The following TRMT11 variants were observed in gnomAD, a reference collection of about 807,000 sequenced individuals.
TRMT11 encodes the protein tRNA (guanine(10)-N(2))-methyltransferase TRMT11.
A neutral mutation model predicts 62.8 loss-of-function variants in TRMT11; 53 were observed. The observed-to-expected ratio is 0.84, with a 90% confidence interval of 0.68 to 1.06. TRMT11 has a LOEUF of 1.06. Ranked by LOEUF, TRMT11 falls within the 50% of genes least tolerant of loss-of-function variation. The probability of loss-of-function intolerance (pLI) is 0.00; values close to 1 mark genes in which losing one functional copy is unlikely to be tolerated. For synonymous variants in TRMT11, 188 were observed against 190.3 expected (o/e 0.99, Z 0.10); for missense variants, 556 against 553.4 (o/e 1.00, Z -0.05).
the TRMT11 span, among the ~76,000 whole-genome samples, chr6:126,253,735 T>C: frequency 3.9e-5 from 6 of 152,208 alleles, no homozygotes; most frequent in Non-Finnish European, 5.9e-5. Flanking sequence ...GTGGTCACAC[T>C]GTAGGATTTT....
chr6:126,191,677 C>T (rs1477737193), intron 1 of TRMT11, among the ~76,000 whole-genome samples: 1 of 151,806 alleles, frequency 6.6e-6, no homozygotes. Context: ...ATCTAATTTT[C>T]CCAGAACCAT....
chr6:126,257,300 T>G, the TRMT11 span, among the ~76,000 whole-genome samples: 1 of 152,064 alleles, frequency 6.6e-6, no homozygotes, highest in Non-Finnish European at 1.5e-5. Context: ...GTGTGCCATA[T>G]TTACTGATTT....
chr6:126,050,607 G>C (rs1776188642), intron 16 of TRMT11, among the ~76,000 whole-genome samples: 1 of 151,964 alleles, frequency 6.6e-6, no homozygotes, highest in Non-Finnish European at 1.5e-5. Flanking sequence ...GCTGAGGTGG[G>C]AAGATCACTT....
At chr6:126,230,295 G>A in the TRMT11 span, among the ~76,000 whole-genome samples, 2 of 152,112 alleles carry the variant, frequency 1.3e-5, no homozygotes, top group African/African-American at 2.4e-5. Flanking sequence ...AAAGGGCCTC[G>A]ATCCCCTGTA....
rs149076814 is a variant in TRMT11 at position 126,193,385 on chromosome 6, T to C, written n.144-5414T>C. Reference sequence around the variant, plus strand: ...GTGTCATTTTTATTTATTTCTGCTCTGATCTCTAATATTTCTTTCCTTCTA... The same window carrying C: ...GTGTCATTTTTATTTATTTCTGCTCCGATCTCTAATATTTCTTTCCTTCTA... On this transcript the variant is annotated intron_variant and non_coding_transcript_variant, in intron 1 of 3. Coordinates refer to the TRMT11 transcript ENST00000444229. 3.1e-3 allele frequency among the ~76,000 whole-genome samples: 477 copies of C among 152,066 alleles called. 1 individual carries two copies. The highest frequency in any genetic ancestry group is 0.011 in the African/African-American group (441 of 41,530).
chr6:126,178,756 T>C (rs917240298), intron 1 of TRMT11, among the ~76,000 whole-genome samples: 3 of 152,156 alleles, frequency 2.0e-5, no homozygotes, highest in Non-Finnish European at 4.4e-5. Flanking sequence ...TCTTTTCTCC[T>C]GCTTGGGGAG....
At position 126,113,989 on chromosome 6, in the gene TRMT11, G is replaced by T. The variant is rs940243856; in HGVS notation, c.*1527-716G>T. On this transcript the variant is annotated intron_variant and NMD_transcript_variant, in intron 18 of 22. Coordinates refer to the TRMT11 transcript ENST00000648977. ...CTTCCCCAGTTCTTTACAAAATGTG[G>T]GTTGCAACCCAATAGTGGGTCATGA... 2.0e-4 allele frequency among the ~76,000 whole-genome samples: 30 copies of T among 152,080 alleles called. 1 individual carries two copies. The Middle Eastern group carries it at 0.01, about 52-fold the overall frequency.
chr6:126,234,534 A>G, the TRMT11 span, among the ~76,000 whole-genome samples: 1 of 152,108 alleles, frequency 6.6e-6, no homozygotes, highest in Non-Finnish European at 1.5e-5. Flanking sequence ...CAGGCCCCAG[A>G]GATAAGGTGT....
At chr6:126,135,968 G>A (rs1362266665) in intron 21 of TRMT11, among the ~76,000 whole-genome samples, 3 of 151,664 alleles carry the variant, frequency 2.0e-5, no homozygotes, top group Non-Finnish European at 4.4e-5. Context: ...AACAAATTGG[G>A]TATAGAAGGA....
At chr6:125,991,311 G>T (rs1790589426) in intron 1 of TRMT11, among the ~76,000 whole-genome samples, 1 of 151,962 alleles carries the variant, frequency 6.6e-6, no homozygotes. Flanking sequence ...CAGTGCAGTG[G>T]CGTGACCGTG....
At chr6:126,034,311 A>C (rs1011260373) in intron 12 of TRMT11, among the ~76,000 whole-genome samples, 2 of 152,192 alleles carry the variant, frequency 1.3e-5, no homozygotes, top group African/African-American at 4.8e-5. Flanking sequence ...CGGAAAATTA[A>C]ATAATTATGT....
At chr6:126,031,733 T>C (rs1387941652) in intron 12 of TRMT11, among the ~76,000 whole-genome samples, 3 of 152,178 alleles carry the variant, frequency 2.0e-5, no homozygotes, top group Non-Finnish European at 4.4e-5. Flanking sequence ...GGACCTTACC[T>C]ACTGAACAGT....
intron 17 of TRMT11, among the ~76,000 whole-genome samples, chr6:126,075,016 A>G (rs1473706858): frequency 6.6e-6 from 1 of 152,218 alleles, no homozygotes; most frequent in South Asian, 2.1e-4. Flanking sequence ...AAAAGTTCTC[A>G]TAAGACCTCA....
intron 2 of TRMT11, among the ~76,000 whole-genome samples, chr6:125,994,763 A>G (rs1791204899): frequency 6.6e-6 from 1 of 152,226 alleles, no homozygotes; most frequent in African/African-American, 2.4e-5. Flanking sequence ...CATGGAAGCC[A>G]TAAAAAGGAA....
chr6:126,108,085 C>A (rs1777484649), intron 17 of TRMT11, among the ~76,000 whole-genome samples: 1 of 152,136 alleles, frequency 6.6e-6, no homozygotes, highest in Non-Finnish European at 1.5e-5. Flanking sequence ...TTCAAATATT[C>A]TTCCCTATCT....
chr6:126,078,697 C>G (rs1025654200), intron 17 of TRMT11, among the ~76,000 whole-genome samples: 1 of 152,082 alleles, frequency 6.6e-6, no homozygotes, highest in Admixed American at 6.6e-5. Context: ...ATAAAACTTC[C>G]GTCAACTTGA....
downstream of TRMT11, among the ~76,000 whole-genome samples, chr6:126,039,941 T>G (rs1481236535): frequency 6.6e-6 from 1 of 152,128 alleles, no homozygotes; most frequent in Admixed American, 6.6e-5. Context: ...CTCTTTTTCT[T>G]GTCTTGCAGT....
At chr6:126,123,893 T>A (rs1777678397) in intron 21 of TRMT11, among the ~76,000 whole-genome samples, 1 of 152,074 alleles carries the variant, frequency 6.6e-6, no homozygotes, top group Admixed American at 6.6e-5. Context: ...TTGTCTGTTG[T>A]ACTTTTTGAG....
the TRMT11 span, among the ~76,000 whole-genome samples, chr6:126,272,275 T>C: frequency 1.3e-5 from 2 of 152,222 alleles, no homozygotes; most frequent in Non-Finnish European, 2.9e-5. Context: ...ATTTTCTGCA[T>C]ATTGTATGTT....
Sources: gnomAD v4.1 joint callset for allele counts (sites outside exome capture counted in the v4.1 genomes callset) on GRCh38, gnomAD v4.1.1 for gene constraint, MANE v1.5 for transcripts, NCBI Gene and HGNC (gene_info 2026-07-23, HGNC 2026-07-21) for gene names.